The following MACROD2 variants were observed in gnomAD, a reference collection of about 807,000 sequenced individuals.
MACROD2 encodes the protein ADP-ribose glycohydrolase MACROD2.
MACROD2 carries 36 observed loss-of-function variants against 70.4 expected under a neutral mutation model. That is an observed-to-expected ratio of 0.51 (90% CI 0.39 to 0.68). The LOEUF (loss-of-function observed/expected upper bound fraction) is 0.68, where lower values mean the gene tolerates loss of function less well. Ranked by LOEUF, MACROD2 falls within the 30% of genes least tolerant of loss-of-function variation. The pLI, the probability that MACROD2 is intolerant of heterozygous loss-of-function variation, is 0.00. For synonymous variants in MACROD2, 172 were observed against 178.8 expected, an observed-to-expected ratio of 0.96 and a Z score of 0.30; for missense variants, 496 against 538.4, an observed-to-expected ratio of 0.92 and a Z score of 0.78.
At chr20:15,052,336 T>A (rs984207548) in intron 5 of MACROD2, among the ~76,000 whole-genome samples, 1 of 152,204 alleles carries the variant, frequency 6.6e-6, no homozygotes, top group Non-Finnish European at 1.5e-5. Context: ...GCTTTGCAGA[T>A]ATTGTGTCTT....
chr20:14,696,635 T>A (rs2071129452), intron 5 of MACROD2, among the ~76,000 whole-genome samples: 1 of 152,172 alleles, frequency 6.6e-6, no homozygotes, highest in Non-Finnish European at 1.5e-5. Flanking sequence ...CTGTGACATT[T>A]TCAGGAAAGA....
At position 14,806,789 on chromosome 20, in the gene MACROD2, C is replaced by T. The variant is rs1031317869; in HGVS notation, c.418+121830C>T. On this transcript the variant is annotated intron_variant, in intron 5 of 17. Transcript: ENST00000684519. The stretch of plus-strand genomic sequence containing the variant: ...CCATCATTACTGAGGCTTGAGTAGG[C>T]GGTTTTCCCCTTCACACTGTAAACA... 4.6e-5 allele frequency among the ~76,000 whole-genome samples: 7 copies of T among 152,050 alleles called. 1 individual carries two copies. Among genetic ancestry groups the T allele is most frequent in the Non-Finnish European group, 8.8e-5 (6 of 67,968 alleles).
intron 3 of MACROD2, among the ~76,000 whole-genome samples, chr20:14,093,314 T>C (rs1044048063): frequency 1.3e-5 from 2 of 152,018 alleles, no homozygotes; most frequent in South Asian, 4.1e-4. Context: ...CTTGAACTCC[T>C]AGCTTCAAGC....
At chr20:14,964,375 A>T (rs937579354) in intron 5 of MACROD2, among the ~76,000 whole-genome samples, 2 of 152,034 alleles carry the variant, frequency 1.3e-5, no homozygotes, top group African/African-American at 4.8e-5. Context: ...GATCGAGACC[A>T]TCCTGGCTAA....
intron 3 of MACROD2, among the ~76,000 whole-genome samples, chr20:14,298,835 A>G (rs529823171): frequency 6.6e-6 from 1 of 152,322 alleles, no homozygotes; most frequent in Admixed American, 6.5e-5. Context: ...TGGAAATAGC[A>G]GGAGAACTAG....
At chr20:14,099,679 A>G (rs377190298) in intron 3 of MACROD2, among the ~76,000 whole-genome samples, 1 of 152,126 alleles carries the variant, frequency 6.6e-6, no homozygotes, top group South Asian at 2.1e-4. Context: ...AGATATCTAT[A>G]TATTTGTGTT....
intron 5 of MACROD2, among the ~76,000 whole-genome samples, chr20:14,800,956 G>A (rs992586899): frequency 6.6e-6 from 1 of 152,098 alleles, no homozygotes; most frequent in Non-Finnish European, 1.5e-5. Context: ...TATGGTTACA[G>A]TCCTCCATTT....
chr20:15,019,047 T>G (rs2122956379), intron 5 of MACROD2, among the ~76,000 whole-genome samples: 1 of 152,328 alleles, frequency 6.6e-6, no homozygotes, highest in South Asian at 2.1e-4. Context: ...AAGTATTCTT[T>G]ACAGCAACAC....
intron 8 of MACROD2, among the ~76,000 whole-genome samples, chr20:15,542,016 G>A (rs2047963720): frequency 1.3e-5 from 2 of 152,206 alleles, no homozygotes; most frequent in Non-Finnish European, 2.9e-5. Flanking sequence ...TCCAGTAACA[G>A]TTGGAAAGAA....
intron 5 of MACROD2, among the ~76,000 whole-genome samples, chr20:15,081,896 C>A (rs956512154): frequency 6.6e-6 from 1 of 152,100 alleles, no homozygotes; most frequent in African/African-American, 2.4e-5. Context: ...TTCTTAAATC[C>A]ATGGACTCCA....
At chr20:14,814,986 G>A (rs1360567105) in intron 5 of MACROD2, among the ~76,000 whole-genome samples, 1 of 151,996 alleles carries the variant, frequency 6.6e-6, no homozygotes, top group Non-Finnish European at 1.5e-5. Flanking sequence ...TGTCATCACA[G>A]TGTTAAACAC....
At chr20:14,216,478 G>A (rs2081623668) in intron 3 of MACROD2, among the ~76,000 whole-genome samples, 1 of 151,974 alleles carries the variant, frequency 6.6e-6, no homozygotes, top group African/African-American at 2.4e-5. Context: ...GTCTTGCTTT[G>A]GCTATGCAGG....
chr20:14,334,051 A>G (rs1348648348), intron 3 of MACROD2, among the ~76,000 whole-genome samples: 1 of 152,208 alleles, frequency 6.6e-6, no homozygotes, highest in Non-Finnish European at 1.5e-5. Context: ...AAAGCTTTTT[A>G]TACATCCCTG....
At chr20:14,274,041 T>G (rs2082225715) in intron 3 of MACROD2, among the ~76,000 whole-genome samples, 1 of 152,154 alleles carries the variant, frequency 6.6e-6, no homozygotes, top group South Asian at 2.1e-4. Flanking sequence ...ACCAGATGGA[T>G]TCACAGCCGA....
chr20:14,775,443 T>G (rs950956619), intron 5 of MACROD2, among the ~76,000 whole-genome samples: 1 of 151,984 alleles, frequency 6.6e-6, no homozygotes, highest in African/African-American at 2.4e-5. Context: ...GAGCAGGTAT[T>G]TGACATGATG....
At chr20:15,516,519 C>T (rs140621602) in intron 8 of MACROD2, among the ~76,000 whole-genome samples, 201 of 152,236 alleles carry the variant, frequency 1.3e-3, no homozygotes, top group African/African-American at 4.1e-3. Context: ...GTGGAAAGTG[C>T]TAGGATAAAG....
At chr20:14,365,159 C>T (rs1272798848) in intron 3 of MACROD2, among the ~76,000 whole-genome samples, 1 of 151,994 alleles carries the variant, frequency 6.6e-6, no homozygotes, top group Non-Finnish European at 1.5e-5. Flanking sequence ...TGTGAGAGAC[C>T]TGTTGATATT....
chr20:15,971,639 CCACT>C (rs1289909401), intron 13 of MACROD2, among the ~76,000 whole-genome samples: 1 of 152,094 alleles, frequency 6.6e-6, no homozygotes, highest in African/African-American at 2.4e-5. Context: ...ATGATATCAC[CCACT>C]GAGTGTGCAG....
At chr20:15,876,169 G>GT (rs1291099233) in intron 9 of MACROD2, among the ~76,000 whole-genome samples, 3 of 143,756 alleles carry the variant, frequency 2.1e-5, no homozygotes. Flanking sequence ...CAAAGTGCAG[G>GT]TTTGTTACAT....
Sources: gnomAD v4.1 joint callset for allele counts (sites outside exome capture counted in the v4.1 genomes callset) on GRCh38, gnomAD v4.1.1 for gene constraint, MANE v1.5 for transcripts, NCBI Gene and HGNC (gene_info 2026-07-23, HGNC 2026-07-21) for gene names.